Variants in MAP2 observed in about 807,000 individuals in gnomAD.
MAP2 encodes microtubule associated protein 2.
MAP2 carries 14 observed loss-of-function variants against 137.6 expected under a neutral mutation model. The ratio of observed to expected loss-of-function variants is 0.10; its 90% confidence interval spans 0.07 to 0.16. The LOEUF is 0.16. MAP2 is among the 10% of genes least tolerant of loss of function. The pLI, the probability that MAP2 is intolerant of heterozygous loss-of-function variation, is 1.00. For synonymous variants in MAP2, 786 were observed against 782.3 expected (o/e 1.00, Z -0.08); for missense variants, 2,088 against 2,191.5 (o/e 0.95, Z 0.94).
chr2:209,477,233 C>T (rs1026467744), intron 1 of MAP2, among the ~76,000 whole-genome samples: 4 of 151,850 alleles, frequency 2.6e-5, no homozygotes, highest in Non-Finnish European at 4.4e-5. Context: ...AAAAAATTAA[C>T]GATGGAATTG....
chr2:209,637,032 A>G (rs2093626471), intron 4 of MAP2, among the ~76,000 whole-genome samples: 2 of 152,162 alleles, frequency 1.3e-5, no homozygotes, highest in Admixed American at 6.6e-5. Context: ...TTAAAAGTCT[A>G]AAAATCACAG....
At chr2:209,728,777 A>G (rs1355148220) in intron 14 of MAP2, among the ~76,000 whole-genome samples, 1 of 152,216 alleles carries the variant, frequency 6.6e-6, no homozygotes, top group African/African-American at 2.4e-5. Context: ...TATGTACTCA[A>G]CATGTTTATT....
At chr2:209,464,785 CAAT>C (rs894075829) in intron 1 of MAP2, among the ~76,000 whole-genome samples, 5 of 151,976 alleles carry the variant, frequency 3.3e-5, no homozygotes, top group Admixed American at 3.3e-4. Flanking sequence ...TTTGAAAATA[CAAT>C]GACATTAATT....
intron 2 of MAP2, among the ~76,000 whole-genome samples, chr2:209,512,652 C>A (rs990897681): frequency 4.0e-5 from 6 of 150,786 alleles, no homozygotes; most frequent in Admixed American, 6.6e-5. Context: ...AAAAATATTT[C>A]TTTTATAGAG....
chr2:209,727,800 TGAG>T (rs1336264388), intron 14 of MAP2, among the ~76,000 whole-genome samples: 4 of 152,306 alleles, frequency 2.6e-5, no homozygotes, highest in African/African-American at 9.6e-5. Flanking sequence ...CATGGATCTC[TGAG>T]TTTAAGATAT....
At chr2:209,486,977 G>A (rs1436381026) in intron 1 of MAP2, among the ~76,000 whole-genome samples, 1 of 152,126 alleles carries the variant, frequency 6.6e-6, no homozygotes, top group Non-Finnish European at 1.5e-5. Flanking sequence ...TTCCAGACAT[G>A]GGATTTCCTT....
intron 1 of MAP2, among the ~76,000 whole-genome samples, chr2:209,474,097 T>C (rs778204869): frequency 2.9e-4 from 43 of 149,672 alleles, no homozygotes; most frequent in African/African-American, 9.9e-4. Flanking sequence ...ACTTTAGAAG[T>C]AGTACTCATT....
At chr2:209,632,656 C>T (rs1251985520) in intron 4 of MAP2, among the ~76,000 whole-genome samples, 1 of 152,156 alleles carries the variant, frequency 6.6e-6, no homozygotes, top group Non-Finnish European at 1.5e-5. Context: ...ACACACATGT[C>T]CCTCTGTGCT....
At chr2:209,626,918 G>A (rs910211117) in intron 4 of MAP2, among the ~76,000 whole-genome samples, 1 of 152,084 alleles carries the variant, frequency 6.6e-6, no homozygotes, top group African/African-American at 2.4e-5. Flanking sequence ...AAACTTATTT[G>A]AGATTTATGT....
chr2:209,610,571 A>C (rs958950003), intron 3 of MAP2, among the ~76,000 whole-genome samples: 15 of 151,846 alleles, frequency 9.9e-5, no homozygotes, highest in Non-Finnish European at 1.9e-4. Flanking sequence ...TTATGTGTTT[A>C]CCAAATAACT....
chr2:209,622,131 T>G (rs2091352431), intron 3 of MAP2, among the ~76,000 whole-genome samples: 1 of 152,192 alleles, frequency 6.6e-6, no homozygotes, highest in Admixed American at 6.5e-5. Flanking sequence ...GAAGGTAGCA[T>G]AAGCACACCT....
chr2:209,541,962 C>T (rs2067126600), intron 2 of MAP2, among the ~76,000 whole-genome samples: 1 of 152,202 alleles, frequency 6.6e-6, no homozygotes, highest in African/African-American at 2.4e-5. Flanking sequence ...TTCTTAATGG[C>T]ATCTAGGATA....
intron 13 of MAP2, among the ~76,000 whole-genome samples, chr2:209,714,201 C>CAACA (rs1559644980): frequency 6.6e-6 from 1 of 151,954 alleles, no homozygotes. Context: ...AACTCTGTCT[C>CAACA]AATAAATAAA....
chr2:209,502,103 A>G (rs2060453550), intron 1 of MAP2, among the ~76,000 whole-genome samples: 1 of 152,220 alleles, frequency 6.6e-6, no homozygotes, highest in Non-Finnish European at 1.5e-5. Flanking sequence ...TTAAAAAATA[A>G]GAACACCTGA....
At chr2:209,606,362 G>A (rs1459576280) in intron 3 of MAP2, among the ~76,000 whole-genome samples, 1 of 152,112 alleles carries the variant, frequency 6.6e-6, no homozygotes, top group Non-Finnish European at 1.5e-5. Flanking sequence ...GTATTAACAT[G>A]TGAAGAAAGA....
intron 3 of MAP2, among the ~76,000 whole-genome samples, chr2:209,624,090 A>ATG (rs2091838415): frequency 1.3e-5 from 2 of 152,178 alleles, no homozygotes; most frequent in South Asian, 2.1e-4. Context: ...AGAGGTTCAT[A>ATG]CAGAAGAATT....
In MAP2 at chr2:209,695,944, T is replaced by C. The variant is rs2060067951; in HGVS notation, c.3774T>C (p.Thr1258=). The C allele has an allele frequency of 6.2e-7, 1 of 1,613,910 alleles. No homozygotes were observed. Among genetic ancestry groups the C allele is most frequent in the South Asian group, 1.1e-5 (1 of 91,062 alleles). Residue 1258 remains threonine (T), a synonymous_variant, in exon 8 of 16, where the codon ACT becomes ACC. Transcript: ENST00000682079. ...TCCGCTCAGACACCCTTCAGATAACTGACCTGGGTGTCTCAGGTGCCAGGG... is the reference window on the plus strand; with the variant it reads ...TCCGCTCAGACACCCTTCAGATAACCGACCTGGGTGTCTCAGGTGCCAGGG... ...LLFRSDTLQI[T]DLGVSGAREE...
At chr2:209,460,291 T>C (rs1702451296) in intron 1 of MAP2, among the ~76,000 whole-genome samples, 2 of 152,302 alleles carry the variant, frequency 1.3e-5, no homozygotes, top group Non-Finnish European at 2.9e-5. Flanking sequence ...TGACTAACCG[T>C]GTTTACAATG....
At chr2:209,645,432 A>T (rs2094354309) in intron 4 of MAP2, among the ~76,000 whole-genome samples, 1 of 151,658 alleles carries the variant, frequency 6.6e-6, no homozygotes, top group African/African-American at 2.4e-5. Flanking sequence ...TATTCCAAGG[A>T]AGAAGAACAA....
Sources: allele counts gnomAD v4.1 joint callset (sites outside exome capture counted in the v4.1 genomes callset), GRCh38; gene constraint gnomAD v4.1.1; transcripts MANE v1.5; gene names NCBI Gene and HGNC (gene_info 2026-07-23, HGNC 2026-07-21).